The following NEBL variants were observed in gnomAD, a reference collection of about 807,000 sequenced individuals.
NEBL encodes the protein nebulette, also known as LIM and SH3 protein 2.
NEBL carries 122 observed loss-of-function variants against 140.2 expected under a neutral mutation model. The observed-to-expected ratio is 0.87, with a 90% CI of 0.75 to 1.01. The LOEUF (loss-of-function observed/expected upper bound fraction) is 1.01. NEBL is among the 50% of genes least tolerant of loss of function. The pLI is 0.00. For synonymous variants in NEBL, 436 were observed against 398.9 expected (o/e 1.09, Z -1.11); for missense variants, 1,365 against 1,231.3 (o/e 1.11, Z -1.62).
intron 3 of NEBL, among the ~76,000 whole-genome samples, chr10:21,180,802 C>G (rs971818412): frequency 6.6e-6 from 1 of 152,036 alleles, no homozygotes; most frequent in African/African-American, 2.4e-5. Context: ...CATGTCTTCC[C>G]TGGTTGGTTT....
At chr10:21,140,110 A>C (rs1160803241) in intron 2 of NEBL, among the ~76,000 whole-genome samples, 1 of 152,126 alleles carries the variant, frequency 6.6e-6, no homozygotes, top group East Asian at 1.9e-4. Context: ...GCAGTGAGCC[A>C]AGATTGCTCC....
At chr10:20,907,216 A>T (rs1198508351) in intron 4 of NEBL, among the ~76,000 whole-genome samples, 1 of 152,152 alleles carries the variant, frequency 6.6e-6, no homozygotes, top group Non-Finnish European at 1.5e-5. Flanking sequence ...TAAAGTCTAC[A>T]ACCTGATTTT....
chr10:21,185,942 T>C (rs572976848), intron 3 of NEBL, among the ~76,000 whole-genome samples: 1 of 152,296 alleles, frequency 6.6e-6, no homozygotes, highest in Admixed American at 6.5e-5. Context: ...GGGATTTCAG[T>C]TATATTCCTG....
At chr10:21,110,249 A>G (rs144654262) in intron 2 of NEBL, among the ~76,000 whole-genome samples, 561 of 152,166 alleles carry the variant, frequency 3.7e-3, no homozygotes, top group African/African-American at 0.013. Flanking sequence ...TTTTCCTTCA[A>G]TCTTTGTTAG....
At chr10:21,185,114 C>A (rs1203987435) in intron 3 of NEBL, among the ~76,000 whole-genome samples, 1 of 152,182 alleles carries the variant, frequency 6.6e-6, no homozygotes, top group African/African-American at 2.4e-5. Context: ...ATGTCTCTTG[C>A]TCCATTAGAG....
At chr10:20,834,236 G>T (rs1329307828) in intron 14 of NEBL, among the ~76,000 whole-genome samples, 2 of 151,912 alleles carry the variant, frequency 1.3e-5, no homozygotes, top group Non-Finnish European at 2.9e-5. Flanking sequence ...TTTTTAAGTC[G>T]CTGTGTGTAC....
Position 20,805,852 on chromosome 10 carries a change from C to CA in NEBL, c.2761+2657dup, listed in dbSNP as rs11298619. On this transcript the variant is annotated intron_variant, in intron 26 of 27. Transcript: ENST00000377122. ...TGAGTGACACAGCGAGACTCCGTCT[C>CA]AAAAAAAAAAAAAAGTCAACTTTTT... Among the ~76,000 whole-genome samples, 1,048 of 141,388 alleles carry CA rather than the reference C, an allele frequency of 7.4e-3. 6 individuals carry two copies. Among genetic ancestry groups the CA allele is most frequent in the Non-Finnish European group, 9.9e-3 (631 of 63,932 alleles). The allele number at this position is 141,388 out of a possible 152,430, so 92.8% of individuals were successfully genotyped here.
At chr10:21,206,731 C>T (rs1053117083) in intron 3 of NEBL, among the ~76,000 whole-genome samples, 6 of 152,064 alleles carry the variant, frequency 3.9e-5, no homozygotes, top group Admixed American at 1.3e-4. Context: ...GTATAGAGAT[C>T]GTTGACTGGT....
intron 2 of NEBL, among the ~76,000 whole-genome samples, chr10:21,167,024 C>G (rs114594350): frequency 2.4e-4 from 36 of 152,316 alleles, no homozygotes; most frequent in African/African-American, 8.7e-4. Flanking sequence ...CGAAATGGTA[C>G]GTGAGAGGCA....
At chr10:21,238,597 C>G (rs1842392449) in intron 3 of NEBL, among the ~76,000 whole-genome samples, 1 of 151,284 alleles carries the variant, frequency 6.6e-6, no homozygotes, top group Non-Finnish European at 1.5e-5. Flanking sequence ...GTAATCCCAG[C>G]TACTGGGGAT....
intron 2 of NEBL, among the ~76,000 whole-genome samples, chr10:21,066,677 A>C (rs903596133): frequency 2.6e-5 from 4 of 152,240 alleles, no homozygotes; most frequent in Non-Finnish European, 4.4e-5. Flanking sequence ...GCTTAGATTT[A>C]CCATTGCTTA....
At chr10:21,035,509 T>C (rs1833978976) in intron 2 of NEBL, among the ~76,000 whole-genome samples, 1 of 152,150 alleles carries the variant, frequency 6.6e-6, no homozygotes, top group South Asian at 2.1e-4. Context: ...AATCACAAAA[T>C]ATATCAGCTC....
Position 20,904,774 on chromosome 10 carries a change from C to G in NEBL, c.357+56898G>C, listed in dbSNP as rs534504893. ...TAAATGCAATGACTTAATTACTTCT[C>G]ACATCTGGAAAAACTTGAATATGAG... On this transcript the variant is annotated intron_variant, in intron 4 of 6. Coordinates refer to the NEBL transcript ENST00000417816. 3.3e-5 allele frequency among the ~76,000 whole-genome samples: 5 copies of G among 152,318 alleles called. No homozygotes were observed. In the East Asian group the frequency reaches 9.7e-4, roughly 29 times the overall value.
chr10:20,784,793 A>G lies in NEBL; in HGVS notation c.*954T>C, dbSNP rs1307022929. ...GTATACATGTTATTTCCTAAGATGT[A>G]AATCCTTCAAAACTAGAGTGCGATG... On this transcript the variant is annotated 3_prime_UTR_variant, in exon 28 of 28. Transcript: ENST00000377122. 1 of 152,226 alleles carries G rather than the reference A, an allele frequency of 6.6e-6. No homozygotes were observed. The highest frequency in any genetic ancestry group is 2.4e-5 in the African/African-American group (1 of 41,458). The allele number at this position is 152,226 out of a possible 1,614,324, so 9.4% of individuals were successfully genotyped here.
chr10:20,919,141 A>G (rs1018376475), intron 4 of NEBL, among the ~76,000 whole-genome samples: 3 of 152,208 alleles, frequency 2.0e-5, no homozygotes, highest in Non-Finnish European at 2.9e-5. Context: ...ACTAAAAAAA[A>G]TATTTTGTGG....
At chr10:21,187,001 TGTGTGTGTGTGTGTGTGTGTG>T (rs1841484767) in intron 3 of NEBL, among the ~76,000 whole-genome samples, 1 of 147,314 alleles carries the variant, frequency 6.8e-6, no homozygotes, top group African/African-American at 2.7e-5. Context: ...TGTGTGTGTG[TGTGTGTGTGTGTGTGTGTGTG>T]TGTGTGTATA....
At chr10:20,803,379 A>G (rs1837307773) in intron 26 of NEBL, among the ~76,000 whole-genome samples, 1 of 152,196 alleles carries the variant, frequency 6.6e-6, no homozygotes, top group Non-Finnish European at 1.5e-5. Flanking sequence ...GCATATGTAT[A>G]ATTATTATTT....
At chr10:21,115,729 T>C (rs1480748358) in intron 2 of NEBL, among the ~76,000 whole-genome samples, 1 of 152,082 alleles carries the variant, frequency 6.6e-6, no homozygotes, top group African/African-American at 2.4e-5. Context: ...AAATTTTGGG[T>C]CTGTGGGATG....
chr10:20,789,265 T>C lies in NEBL; in HGVS notation c.2762-1957A>G, dbSNP rs114487089. Among the ~76,000 whole-genome samples the C allele has an allele frequency of 5.8e-3, 891 of 152,314 alleles. 9 individuals are homozygous for C. Among genetic ancestry groups the C allele is most frequent in the African/African-American group, 0.02 (845 of 41,580 alleles). ...GAATCTATTTGTAAAGTTTGAAAGATTAAATATAAACATCTCTGTAAATTT... is the reference window on the plus strand; with the variant it reads ...GAATCTATTTGTAAAGTTTGAAAGACTAAATATAAACATCTCTGTAAATTT... On this transcript the variant is annotated intron_variant, in intron 26 of 27. Coordinates refer to ENST00000377122, the MANE Select transcript of NEBL (RefSeq NM_006393.3).
Sources: gnomAD v4.1 joint callset for allele counts (sites outside exome capture counted in the v4.1 genomes callset) on GRCh38, gnomAD v4.1.1 for gene constraint, MANE v1.5 for transcripts, NCBI Gene and HGNC (gene_info 2026-07-23, HGNC 2026-07-21) for gene names.